EPHA3: variants seen among roughly 807,000 people sequenced by gnomAD.
EPHA3 encodes ephrin type-A receptor 3.
Under a neutral mutation model 107.1 loss-of-function variants are expected in EPHA3, and 42 were observed. The ratio of observed to expected loss-of-function variants is 0.39; its 90% CI spans 0.31 to 0.51. The LOEUF is 0.51. EPHA3 is among the 20% of genes least tolerant of loss of function. The pLI, the probability that EPHA3 is intolerant of heterozygous loss-of-function variation, is 0.78. For missense variants in EPHA3, 1,183 were observed against 1,211.2 expected (o/e 0.98, Z 0.35); for synonymous variants, 461 against 424.8 (o/e 1.09, Z -1.05).
intron 11 of EPHA3, among the ~76,000 whole-genome samples, chr3:89,422,647 T>G (rs543865715): frequency 6.6e-6 from 1 of 151,542 alleles, no homozygotes; most frequent in East Asian, 1.9e-4. Flanking sequence ...TCTAAATTAC[T>G]CCTCTGGTTG....
chr3:89,230,740 A>C (rs910334985), intron 3 of EPHA3, among the ~76,000 whole-genome samples: 1 of 151,794 alleles, frequency 6.6e-6, no homozygotes, highest in Admixed American at 6.6e-5. Flanking sequence ...CAGATTTTAT[A>C]GTACATCTAG....
rs1434653530 is a variant in EPHA3, at chr3:89,352,329, T to A, written c.1306+10239T>A. Among the ~76,000 whole-genome samples, 52 of 151,298 alleles carry A rather than the reference T, an allele frequency of 3.4e-4. No homozygotes were observed. In the Admixed American group the frequency reaches 3.4e-3, roughly 10 times the overall value. ...GAAATCCAATAATTATTTTTGTTTTTAATTTATTTTTTGGCATTCTGGGAC... is the reference window on the plus strand; with the variant it reads ...GAAATCCAATAATTATTTTTGTTTTAAATTTATTTTTTGGCATTCTGGGAC... On this transcript the variant is annotated intron_variant, in intron 5 of 16. Coordinates refer to ENST00000336596, the MANE Select transcript of EPHA3 (RefSeq NM_005233.6).
intron 7 of EPHA3, among the ~76,000 whole-genome samples, chr3:89,401,669 A>AGAG (rs1708966672): frequency 6.6e-6 from 1 of 152,068 alleles, no homozygotes; most frequent in Admixed American, 6.6e-5. Flanking sequence ...GTGCAATGGC[A>AGAG]TGATCTCAGC....
chr3:89,408,776 T>C (rs1709103383), intron 9 of EPHA3, among the ~76,000 whole-genome samples: 1 of 152,124 alleles, frequency 6.6e-6, no homozygotes, highest in African/African-American at 2.4e-5. Context: ...TTCCAAACTA[T>C]GGCTCAGCTT....
intron 5 of EPHA3, among the ~76,000 whole-genome samples, chr3:89,378,674 G>T (rs571879069): frequency 1.3e-5 from 2 of 152,242 alleles, no homozygotes; most frequent in South Asian, 2.1e-4. Flanking sequence ...AACTACTGAG[G>T]TTAACAATTA....
intron 2 of EPHA3, among the ~76,000 whole-genome samples, chr3:89,130,401 A>C (rs1282819639): frequency 6.6e-6 from 1 of 152,170 alleles, no homozygotes; most frequent in Admixed American, 6.5e-5. Context: ...TATAAATTTT[A>C]AAAAATAAAT....
At position 89,351,161 on chromosome 3, in the gene EPHA3, C is replaced by A. The variant is rs1440141113; in HGVS notation, c.1306+9071C>A. 5.8e-4 allele frequency among the ~76,000 whole-genome samples: 88 copies of A among 151,056 alleles called. 1 individual carries two copies. Among genetic ancestry groups the A allele is most frequent in the African/African-American group, 1.9e-3 (79 of 41,432 alleles). On this transcript the variant is annotated intron_variant, in intron 5 of 16. Transcript: ENST00000336596. ...GGGCTCCACCCAGTTCGAGCTTCCC[C>A]GCTGCTTTGTTTACCTAAGCAAGCC... is the stretch of plus-strand genomic sequence containing the variant.
At chr3:89,384,191 T>G (rs566715256) in intron 5 of EPHA3, among the ~76,000 whole-genome samples, 17 of 152,150 alleles carry the variant, frequency 1.1e-4, no homozygotes, top group African/African-American at 4.1e-4. Context: ...TCAACTGTAG[T>G]TTTAAAGTTT....
chr3:89,286,335 T>C (rs1448067143), intron 3 of EPHA3, among the ~76,000 whole-genome samples: 1 of 151,886 alleles, frequency 6.6e-6, no homozygotes, highest in East Asian at 1.9e-4. Context: ...TCTGATAATG[T>C]TCTGTGTGAA....
intron 2 of EPHA3, among the ~76,000 whole-genome samples, chr3:89,158,273 A>C (rs1704849693): frequency 1.3e-5 from 2 of 152,118 alleles, no homozygotes; most frequent in Non-Finnish European, 2.9e-5. Flanking sequence ...CGTCTTTAAA[A>C]GTAGATTTAT....
At chr3:89,355,568 G>A (rs2107449307) in intron 5 of EPHA3, among the ~76,000 whole-genome samples, 1 of 151,008 alleles carries the variant, frequency 6.6e-6, no homozygotes, top group South Asian at 2.1e-4. Context: ...GCATTCATTT[G>A]CAATTTTGTT....
intron 15 of EPHA3, among the ~76,000 whole-genome samples, chr3:89,460,788 A>T (rs1178961347): frequency 3.5e-4 from 51 of 143,708 alleles, no homozygotes; most frequent in African/African-American, 1.3e-3. Flanking sequence ...GAGGGAATCG[A>T]ATATGCCGAA....
chr3:89,378,025 C>T (rs957050311), intron 5 of EPHA3, among the ~76,000 whole-genome samples: 5 of 152,090 alleles, frequency 3.3e-5, no homozygotes, highest in African/African-American at 1.2e-4. Flanking sequence ...GAAAACCAAA[C>T]ACCGCATGGT....
intron 1 of EPHA3, among the ~76,000 whole-genome samples, chr3:89,120,843 T>A (rs1172387732): frequency 1.3e-5 from 2 of 152,220 alleles, no homozygotes; most frequent in Middle Eastern, 3.4e-3. Flanking sequence ...TGAGAAAGAA[T>A]AAGTTAAGTG....
intron 5 of EPHA3, among the ~76,000 whole-genome samples, chr3:89,390,645 A>G (rs1486134471): frequency 4.0e-5 from 6 of 151,292 alleles, no homozygotes; most frequent in African/African-American, 1.2e-4. Context: ...TCTCCGTTAT[A>G]TATGTCAACT....
chr3:89,430,060 G>A (rs55917865), intron 12 of EPHA3, among the ~76,000 whole-genome samples: 4,398 of 152,128 alleles, frequency 0.029, 221 homozygotes, highest in African/African-American at 0.098. Context: ...CACCGCACCT[G>A]GCCATATTTT....
chr3:89,375,606 G>A (rs1373354140), intron 5 of EPHA3, among the ~76,000 whole-genome samples: 1 of 151,514 alleles, frequency 6.6e-6, no homozygotes, highest in Non-Finnish European at 1.5e-5. Context: ...AAAGATGAGA[G>A]GTAATTGAAG....
intron 2 of EPHA3, among the ~76,000 whole-genome samples, chr3:89,161,611 A>G (rs979091769): frequency 6.6e-6 from 1 of 152,094 alleles, no homozygotes; most frequent in Non-Finnish European, 1.5e-5. Context: ...TTCATTTTAT[A>G]TATACATATA....
chr3:89,136,189 A>T (rs1363125048), intron 2 of EPHA3, among the ~76,000 whole-genome samples: 1 of 152,000 alleles, frequency 6.6e-6, no homozygotes, highest in Non-Finnish European at 1.5e-5. Flanking sequence ...CAAATTTTTG[A>T]CATATGTGAT....
Sources: allele counts gnomAD v4.1 joint callset (sites outside exome capture counted in the v4.1 genomes callset), GRCh38; gene constraint gnomAD v4.1.1; transcripts MANE v1.5; gene names NCBI Gene and HGNC (gene_info 2026-07-23, HGNC 2026-07-21).